The following ARNT2 variants were observed in gnomAD, a reference collection of about 807,000 sequenced individuals.
ARNT2 encodes the protein ARNT protein 2.
In ARNT2, 36 loss-of-function variants were observed where a neutral mutation model predicts 91.7. The observed-to-expected ratio is 0.39, with a 90% CI of 0.30 to 0.52. The LOEUF is 0.52. ARNT2 is among the 20% of genes least tolerant of loss of function. ARNT2 has a pLI of 0.72. For missense variants in ARNT2, 775 were observed against 939.3 expected, an observed-to-expected ratio of 0.83 and a Z score of 2.29; for synonymous variants, 365 against 347.1, an observed-to-expected ratio of 1.05 and a Z score of -0.57.
chr15:80,502,585 G>A (rs1213687072), intron 5 of ARNT2, among the ~76,000 whole-genome samples: 2 of 152,110 alleles, frequency 1.3e-5, no homozygotes, highest in African/African-American at 2.4e-5. Flanking sequence ...GAAGGGCTTC[G>A]GGGACTGAGG....
intron 1 of ARNT2, among the ~76,000 whole-genome samples, chr15:80,446,284 T>C (rs1896302998): frequency 6.6e-6 from 1 of 152,136 alleles, no homozygotes; most frequent in East Asian, 1.9e-4. Context: ...CTACTAGACA[T>C]GATAAATAAT....
At chr15:80,410,761 TATCTATCTA>T (rs1326923332) in intron 1 of ARNT2, among the ~76,000 whole-genome samples, 2 of 768 alleles carry the variant, frequency 2.6e-3, no homozygotes, top group Admixed American at 0.028. Context: ...CATTTTTATC[TATCTATCTA>T]TCTATCTATC....
intron 15 of ARNT2, among the ~76,000 whole-genome samples, chr15:80,578,451 C>T (rs1423440633): frequency 6.6e-6 from 1 of 151,772 alleles, no homozygotes; most frequent in African/African-American, 2.4e-5. Context: ...CTCTGCACCT[C>T]ACACTGGACT....
At chr15:80,546,307 A>G (rs1376601226) in intron 8 of ARNT2, among the ~76,000 whole-genome samples, 2 of 152,144 alleles carry the variant, frequency 1.3e-5, no homozygotes, top group Non-Finnish European at 2.9e-5. Context: ...GGTCATATCT[A>G]TGTTTCATAT....
At chr15:80,483,155 G>T (rs967480019) in intron 5 of ARNT2, among the ~76,000 whole-genome samples, 1 of 152,210 alleles carries the variant, frequency 6.6e-6, no homozygotes, top group Non-Finnish European at 1.5e-5. Flanking sequence ...ATGAAGTGCA[G>T]GGAGCTTCTT....
chr15:80,462,906 G>C (rs1896582357), intron 3 of ARNT2, among the ~76,000 whole-genome samples: 2 of 152,150 alleles, frequency 1.3e-5, no homozygotes, highest in South Asian at 4.1e-4. Context: ...TTTTGGTTTT[G>C]TGTGGTATTT....
chr15:80,473,333 A>G (rs540024647), intron 4 of ARNT2, among the ~76,000 whole-genome samples: 1 of 152,240 alleles, frequency 6.6e-6, no homozygotes, highest in African/African-American at 2.4e-5. Flanking sequence ...GGAGGGTGGA[A>G]AAAAGAGGGT....
In ARNT2 at chr15:80,473,116, G is replaced by A. The variant is rs74526965; in HGVS notation, c.409-1894G>A. Reference sequence around the variant, plus strand: ...CAGCATCTCATTTAACCTTGCAAGAGCTCACTGAAAAACATTGCTGAGGGC... The same window carrying A: ...CAGCATCTCATTTAACCTTGCAAGAACTCACTGAAAAACATTGCTGAGGGC... On this transcript the variant is annotated intron_variant, in intron 4 of 18. Coordinates refer to ENST00000303329, the MANE Select transcript of ARNT2 (RefSeq NM_014862.4). 3.3e-3 allele frequency among the ~76,000 whole-genome samples: 504 copies of A among 152,268 alleles called. 4 individuals are homozygous for A. The highest frequency in any genetic ancestry group is 0.012 in the African/African-American group (485 of 41,548).
intron 12 of ARNT2, among the ~76,000 whole-genome samples, chr15:80,568,976 C>T (rs909906323): frequency 6.6e-6 from 1 of 152,122 alleles, no homozygotes; most frequent in African/African-American, 2.4e-5. Context: ...TTGACTGGAC[C>T]GTGCTGCTCC....
rs1472453872 is a variant in ARNT2 at position 80,551,181 on chromosome 15, A to G, written c.878-18A>G. 1 of 1,610,000 alleles carries G rather than the reference A, an allele frequency of 6.2e-7. No individual in the cohort carries two copies. The highest frequency in any genetic ancestry group is 1.1e-5 in the South Asian group (1 of 90,940). On this transcript the variant is annotated intron_variant, in intron 8 of 18. Coordinates refer to ENST00000303329, the MANE Select transcript of ARNT2 (RefSeq NM_014862.4). ...ACCTTGGGCATATTGTTGATGACAC[A>G]GGTATTTCCCATTTCAGGAATGACC...
At chr15:80,439,933 ATG>A (rs1896163011) in intron 1 of ARNT2, among the ~76,000 whole-genome samples, 1 of 152,128 alleles carries the variant, frequency 6.6e-6, no homozygotes, top group African/African-American at 2.4e-5. Context: ...GTATTTTTGA[ATG>A]TGGAGAATCA....
chr15:80,489,985 C>A (rs1227298498), intron 5 of ARNT2, among the ~76,000 whole-genome samples: 2 of 152,146 alleles, frequency 1.3e-5, no homozygotes, highest in African/African-American at 4.8e-5. Flanking sequence ...GGTCTGGGTA[C>A]TCAGTAAATG....
At chr15:80,451,611 C>T (rs534605584) in intron 2 of ARNT2, among the ~76,000 whole-genome samples, 11 of 152,156 alleles carry the variant, frequency 7.2e-5, no homozygotes, top group Non-Finnish European at 1.2e-4. Flanking sequence ...TGTGGCTGTA[C>T]ACAGACCTGA....
At chr15:80,584,100 G>C (rs1259068809) in intron 17 of ARNT2, among the ~76,000 whole-genome samples, 1 of 152,194 alleles carries the variant, frequency 6.6e-6, no homozygotes, top group African/African-American at 2.4e-5. Flanking sequence ...GTGATAGAGT[G>C]GAGACGAAGC....
chr15:80,527,528 G>A (rs183470732), intron 8 of ARNT2, among the ~76,000 whole-genome samples: 55 of 152,334 alleles, frequency 3.6e-4, no homozygotes, highest in African/African-American at 1.2e-3. Flanking sequence ...AAATAGTGTG[G>A]ACAAGGACAA....
At chr15:80,475,308 A>G (rs1021027717) in intron 5 of ARNT2, 85 bp downstream of exon 5, 3 of 1,399,694 alleles carry the variant, frequency 2.1e-6, no homozygotes, top group Non-Finnish European at 3.0e-6. Context: ...TAATCCCAGT[A>G]CTTTGGGAGG....
intron 1 of ARNT2, chr15:80,442,947 C>G: frequency 1.0e-6 from 1 of 985,444 alleles, no homozygotes; most frequent in South Asian, 4.7e-5. Flanking sequence ...GCGTGCCCTC[C>G]TTGCGGCTCC....
At chr15:80,466,857 C>T (rs543474333) in intron 3 of ARNT2, among the ~76,000 whole-genome samples, 1 of 152,232 alleles carries the variant, frequency 6.6e-6, no homozygotes, top group Non-Finnish European at 1.5e-5. Flanking sequence ...AGTTTTTAAG[C>T]AGTTGCCCTA....
In ARNT2 at chr15:80,563,339, C is replaced by T. The variant is rs574251932; in HGVS notation, c.1316+100C>T. 2.1e-6 allele frequency: 3 copies of T among 1,460,134 alleles called. No homozygotes were observed. The African/African-American group carries it at 4.2e-5, about 20-fold the overall frequency. 90.4% of individuals were successfully genotyped at this position (1,460,134 alleles called of 1,614,324 possible). A position where few individuals can be genotyped will look rare whatever the true frequency, so the allele number is the denominator to read the frequency against. On this transcript the variant is annotated intron_variant, in intron 12 of 18. Transcript: ENST00000303329. ...GAGTTCTTTCTCCCTGCCGGCTCTC[C>T]CTGCAGCTGGAAATCCCTGTAGGAT... is the stretch of plus-strand genomic sequence containing the variant.
Sources: allele counts gnomAD v4.1 joint callset (sites outside exome capture counted in the v4.1 genomes callset), GRCh38; gene constraint gnomAD v4.1.1; transcripts MANE v1.5; gene names NCBI Gene and HGNC (gene_info 2026-07-23, HGNC 2026-07-21).